The following STK3 variants were observed in gnomAD, a reference collection of about 807,000 sequenced individuals.
STK3 encodes the protein serine/threonine kinase 3.
In STK3, 41 loss-of-function variants were observed where a neutral mutation model predicts 58.0. The observed-to-expected ratio is 0.71, with a 90% confidence interval of 0.55 to 0.92. The LOEUF (loss-of-function observed/expected upper bound fraction) is 0.92, where lower values mean the gene tolerates loss of function less well. Among genes scored for constraint, STK3 ranks in the 40% least tolerant of loss-of-function variants. The pLI, the probability that STK3 is intolerant of heterozygous loss-of-function variation, is 0.00. For synonymous variants in STK3, 170 were observed against 191.0 expected, an observed-to-expected ratio of 0.89 and a Z score of 0.91; for missense variants, 479 against 602.7, an observed-to-expected ratio of 0.79 and a Z score of 2.15.
rs533022818 is a variant in STK3, at chr8:98,738,966, C to T, written c.351+10310G>A. 7.9e-5 allele frequency among the ~76,000 whole-genome samples: 12 copies of T among 152,360 alleles called. 1 individual carries two copies. The highest frequency in any genetic ancestry group is 2.1e-4 in the South Asian group (1 of 4,830). On this transcript the variant is annotated intron_variant, in intron 4 of 10. Coordinates refer to ENST00000419617, the MANE Select transcript of STK3 (RefSeq NM_006281.4). ...CCCACACCTGGCTCGGAGGGTCCTA[C>T]GCCCAAGGAGTCTCACTGATTGCTA... is the stretch of plus-strand genomic sequence containing the variant.
downstream of STK3, among the ~76,000 whole-genome samples, chr8:98,450,601 G>C (rs1819154417): frequency 6.6e-6 from 1 of 152,162 alleles, no homozygotes; most frequent in African/African-American, 2.4e-5. Flanking sequence ...AAGAAAGACT[G>C]ATAAGAGAGA....
Position 98,613,187 on chromosome 8 carries a change from T to C in STK3, c.685-17018A>G, listed in dbSNP as rs189258925. Among the ~76,000 whole-genome samples the C allele has an allele frequency of 6.7e-3, 1,027 of 152,256 alleles. 8 individuals carry two copies. The highest frequency in any genetic ancestry group is 0.023 in the African/African-American group (963 of 41,534). ...AAGGGGAATCTGGACTTCAACAAACTCTACCTGGCAGTGATGAGCTCCCTT... is the reference window on the plus strand; with the variant it reads ...AAGGGGAATCTGGACTTCAACAAACCCTACCTGGCAGTGATGAGCTCCCTT... On this transcript the variant is annotated intron_variant, in intron 6 of 10. Coordinates refer to ENST00000419617, the MANE Select transcript of STK3 (RefSeq NM_006281.4).
chr8:98,656,592 T>C (rs1349430797), intron 6 of STK3, among the ~76,000 whole-genome samples: 1 of 152,162 alleles, frequency 6.6e-6, no homozygotes, highest in Admixed American at 6.5e-5. Flanking sequence ...CTAATTTTCC[T>C]TCTTCAATTT....
At chr8:98,354,130 C>A in the STK3 span, among the ~76,000 whole-genome samples, 2 of 152,166 alleles carry the variant, frequency 1.3e-5, no homozygotes, top group Non-Finnish European at 1.5e-5. Context: ...AAAAGCTCAA[C>A]CAGGTGAAAT....
intron 6 of STK3, among the ~76,000 whole-genome samples, chr8:98,611,216 C>A (rs1163256332): frequency 1.3e-5 from 2 of 151,636 alleles, no homozygotes; most frequent in African/African-American, 4.8e-5. Context: ...ATGCCCAGTA[C>A]AAATCAATTT....
chr8:98,550,308 T>C (rs754603782), intron 8 of STK3, among the ~76,000 whole-genome samples: 11 of 152,252 alleles, frequency 7.2e-5, no homozygotes, highest in Middle Eastern at 3.4e-3. Flanking sequence ...AGAAGACCTC[T>C]TCATTCTCAT....
chr8:98,347,772 T>C, the STK3 span, among the ~76,000 whole-genome samples: 1 of 152,142 alleles, frequency 6.6e-6, no homozygotes, highest in Non-Finnish European at 1.5e-5. Flanking sequence ...AATGTTAAGA[T>C]ACAAATAGAT....
intron 3 of STK3, among the ~76,000 whole-genome samples, chr8:98,758,114 C>T (rs907931986): frequency 2.0e-5 from 3 of 152,198 alleles, no homozygotes; most frequent in African/African-American, 4.8e-5. Context: ...TGATTCCAGA[C>T]CACCTGGATA....
chr8:98,903,557 C>CTTCTTCTTTTT (rs1564093746), intron 1 of STK3, among the ~76,000 whole-genome samples: 1 of 9,928 alleles, frequency 1.0e-4, no homozygotes. Context: ...CTTCTTCTTC[C>CTTCTTCTTTTT]TTTTTTTTTT....
At chr8:98,807,336 A>C (rs767798578) in intron 1 of STK3, among the ~76,000 whole-genome samples, 50 of 151,932 alleles carry the variant, frequency 3.3e-4, no homozygotes, top group Non-Finnish European at 6.5e-4. Flanking sequence ...GGCTCACTGC[A>C]ACATCTGCCT....
chr8:98,863,869 G>T (rs1452406920), intron 3 of STK3, among the ~76,000 whole-genome samples: 1 of 152,132 alleles, frequency 6.6e-6, no homozygotes, highest in East Asian at 1.9e-4. Context: ...AATGGAAGTT[G>T]TTGGGTGGGG....
chr8:98,507,239 C>T (rs1007433434), intron 10 of STK3, among the ~76,000 whole-genome samples: 3 of 152,176 alleles, frequency 2.0e-5, no homozygotes, highest in Non-Finnish European at 4.4e-5. Context: ...GACACACAAT[C>T]GTATATTTGG....
chr8:98,377,959 T>TA (rs1335290950), intron 2 of STK3, among the ~76,000 whole-genome samples: 1 of 152,068 alleles, frequency 6.6e-6, no homozygotes, highest in Non-Finnish European at 1.5e-5. Context: ...TGCAGGGACA[T>TA]AAGAGTAGAG....
intron 10 of STK3, among the ~76,000 whole-genome samples, chr8:98,468,651 A>T (rs764183047): frequency 3.3e-5 from 5 of 152,252 alleles, no homozygotes; most frequent in Admixed American, 6.5e-5. Flanking sequence ...ATAAATGAAC[A>T]TAAGTCCTGC....
At chr8:98,647,795 T>C (rs763294741) in intron 6 of STK3, among the ~76,000 whole-genome samples, 2 of 152,198 alleles carry the variant, frequency 1.3e-5, no homozygotes, top group Admixed American at 6.5e-5. Context: ...GCATGAGCCA[T>C]TGCACCCAGC....
chr8:98,484,983 T>C (rs1255157314), intron 10 of STK3, among the ~76,000 whole-genome samples: 3 of 152,190 alleles, frequency 2.0e-5, no homozygotes, highest in African/African-American at 7.2e-5. Context: ...CTCACGCCTG[T>C]AATCTCAGCA....
In STK3 at chr8:98,904,649, G is replaced by A. The variant is rs11987144; in HGVS notation, c.-78-20815C>T. ...CATATAGTGCTCCCGTTCATACCGG[G>A]CCATGTCGTGTAGAGAATTCCGTGT... On this transcript the variant is annotated intron_variant, in intron 1 of 1. Coordinates refer to the STK3 transcript ENST00000519420. The A allele has an allele frequency of 3.1e-3, 1,927 of 629,304 alleles. 30 individuals carry two copies. The African/African-American group carries it at 0.032, about 10-fold the overall frequency. 39.0% of individuals were successfully genotyped at this position (629,304 alleles called of 1,614,324 possible).
At chr8:98,346,846 C>T in the STK3 span, among the ~76,000 whole-genome samples, 13 of 151,300 alleles carry the variant, frequency 8.6e-5, no homozygotes, top group East Asian at 1.9e-4. Flanking sequence ...CATATAGATA[C>T]GGGTCTACAC....
At chr8:98,708,325 T>C (rs1826121488) in intron 4 of STK3, among the ~76,000 whole-genome samples, 1 of 152,068 alleles carries the variant, frequency 6.6e-6, no homozygotes. Flanking sequence ...AGATTCTTGA[T>C]GAAAATGAAA....
Sources: gnomAD v4.1 joint callset for allele counts (sites outside exome capture counted in the v4.1 genomes callset) on GRCh38, gnomAD v4.1.1 for gene constraint, MANE v1.5 for transcripts, NCBI Gene and HGNC (gene_info 2026-07-23, HGNC 2026-07-21) for gene names.